TAF1: variants seen among roughly 807,000 people sequenced by gnomAD.
The protein encoded by TAF1 is transcription initiation factor TFIID subunit 1.
In TAF1, 2 loss-of-function variants were observed where a neutral mutation model predicts 138.5. The ratio of observed to expected loss-of-function variants is 0.01; its 90% CI spans 0.01 to 0.05. The LOEUF (loss-of-function observed/expected upper bound fraction) is 0.05, where lower values mean the gene tolerates loss of function less well. TAF1 is among the 10% of genes least tolerant of loss of function. TAF1 has a pLI of 1.00. For synonymous variants in TAF1, 437 were observed against 503.2 expected, an observed-to-expected ratio of 0.87 and a Z score of 1.76; for missense variants, 709 against 1,478.0, an observed-to-expected ratio of 0.48 and a Z score of 8.53.
intron 13 of TAF1, among the ~76,000 whole-genome samples, chrX:71,483,504 CT>C (rs1184298262): frequency 9.5e-6 from 1 of 105,697 alleles, no homozygotes; most frequent in African/African-American, 3.5e-5. Context: ...GGAGGATCCC[CT>C]GAGAGCAGGA....
At chrX:71,505,748 A>C (rs2039609106) in intron 13 of TAF1, among the ~76,000 whole-genome samples, 1 of 111,811 alleles carries the variant, frequency 8.9e-6, no homozygotes, top group Non-Finnish European at 1.9e-5. Flanking sequence ...TGGCTGGGCA[A>C]GGTGGCTCAT....
intron 13 of TAF1, among the ~76,000 whole-genome samples, chrX:71,511,742 G>T (rs2039734415): frequency 8.9e-6 from 1 of 111,900 alleles, no homozygotes; most frequent in Non-Finnish European, 1.9e-5. Context: ...TTGGCTGGGC[G>T]CAGTGGCTCA....
intron 13 of TAF1, among the ~76,000 whole-genome samples, chrX:71,474,755 G>T (rs1170346828): frequency 8.9e-6 from 1 of 111,830 alleles, no homozygotes; most frequent in African/African-American, 3.2e-5. Flanking sequence ...TGGAGTAGAG[G>T]CCATCCTACT....
chrX:71,458,403 G>A (rs2038399986), intron 35 of TAF1, 37 bp downstream of exon 35: 1 of 1,194,966 alleles, frequency 8.4e-7, no homozygotes, highest in African/African-American at 1.7e-5. Flanking sequence ...GATTGTTATT[G>A]TGCCTGCAAG....
chrX:71,501,574 G>A (rs1168514995), intron 13 of TAF1, among the ~76,000 whole-genome samples: 3 of 111,475 alleles, frequency 2.7e-5, no homozygotes, highest in Non-Finnish European at 5.7e-5. Context: ...TGAGAGTTCC[G>A]CTCATGGCTA....
intron 13 of TAF1, among the ~76,000 whole-genome samples, chrX:71,512,454 T>C (rs1050816180): frequency 8.9e-6 from 1 of 111,897 alleles, no homozygotes; most frequent in Non-Finnish European, 1.9e-5. Context: ...TGGGGGACAT[T>C]AACATCTAAG....
intron 28 of TAF1, chrX:71,420,495 G>A: frequency 8.3e-7 from 1 of 1,201,479 alleles, no homozygotes; most frequent in African/African-American, 1.7e-5. Flanking sequence ...ACGGGCATCG[G>A]CCTCCATCTT....
intron 34 of TAF1, 108 bp downstream of exon 34, chrX:71,454,965 C>A: frequency 2.6e-6 from 3 of 1,176,408 alleles, no homozygotes; most frequent in Non-Finnish European, 3.4e-6. Flanking sequence ...CTCTGTCCTT[C>A]CTCTTCATAT....
intron 15 of TAF1, 52 bp downstream of exon 15, chrX:71,387,513 T>C (rs1429615700): frequency 5.1e-6 from 6 of 1,186,008 alleles, no homozygotes; most frequent in Non-Finnish European, 6.8e-6. Flanking sequence ...AAAGGGTATG[T>C]TGGGGCCGGG....
At chrX:71,471,218 T>C (rs1283213982) in intron 13 of TAF1, among the ~76,000 whole-genome samples, 2 of 106,433 alleles carry the variant, frequency 1.9e-5, no homozygotes, top group East Asian at 5.9e-4. Context: ...CTCGGGAGGC[T>C]GAGGCAGGAG....
chrX:71,498,519 A>G (rs1170011543), intron 13 of TAF1, among the ~76,000 whole-genome samples: 1 of 111,695 alleles, frequency 9.0e-6, no homozygotes, highest in African/African-American at 3.3e-5. Context: ...ATGTCTAACA[A>G]TATCCTGTAA....
At chrX:71,389,935 A>C (rs28742601) in intron 18 of TAF1, among the ~76,000 whole-genome samples, 1 of 110,203 alleles carries the variant, frequency 9.1e-6, no homozygotes, top group Non-Finnish European at 1.9e-5. Context: ...CATGACCTCG[A>C]CTCACTGCAA....
chrX:71,495,919 T>C (rs1223581410), intron 13 of TAF1, among the ~76,000 whole-genome samples: 1 of 112,282 alleles, frequency 8.9e-6, no homozygotes, highest in Non-Finnish European at 1.9e-5. Context: ...ACTTTACTTT[T>C]GTTGAAAACC....
At position 71,372,982 on chromosome X, in the gene TAF1, T is replaced by C. The variant is rs113719877; in HGVS notation, c.353-2185T>C. 3.0e-3 allele frequency among the ~76,000 whole-genome samples: 326 copies of C among 109,685 alleles called. 1 individual carries two copies. Among genetic ancestry groups the C allele is most frequent in the Non-Finnish European group, 5.4e-3 (284 of 52,706 alleles). On this transcript the variant is annotated intron_variant, in intron 3 of 37. Transcript: ENST00000423759. ...CCCAGGTTTACGCCATTATCCGGCC[T>C]CAGTCTCCGGAGTAGCTGGGACTAC...
At chrX:71,369,145 C>T (rs1027672053) in intron 3 of TAF1, among the ~76,000 whole-genome samples, 17 of 110,679 alleles carry the variant, frequency 1.5e-4, no homozygotes, top group Admixed American at 2.9e-4. Flanking sequence ...CCACCACGCC[C>T]GGCCACATCT....
chrX:71,396,085 G>A (rs1323730107), intron 22 of TAF1, among the ~76,000 whole-genome samples: 3 of 107,715 alleles, frequency 2.8e-5, no homozygotes, highest in Non-Finnish European at 5.8e-5. Context: ...GGAAGCAGAG[G>A]TTGCAGTGAG....
chrX:71,460,937 T>C, intron 37 of TAF1, 134 bp downstream of exon 37: 1 of 927,594 alleles, frequency 1.1e-6, no homozygotes, highest in Non-Finnish European at 1.5e-6. Flanking sequence ...TGTGCTAGGC[T>C]CTGGGGATAC....
intron 13 of TAF1, among the ~76,000 whole-genome samples, chrX:71,495,705 G>T (rs1021810125): frequency 9.0e-6 from 1 of 111,364 alleles, no homozygotes; most frequent in Admixed American, 9.6e-5. Flanking sequence ...CTTTGAGAGT[G>T]TGTGGTAGTA....
intron 13 of TAF1, among the ~76,000 whole-genome samples, chrX:71,507,527 G>A (rs2039650323): frequency 9.0e-6 from 1 of 111,425 alleles, no homozygotes; most frequent in Admixed American, 9.6e-5. Flanking sequence ...ACCACGCTTG[G>A]CCACACCAAT....
Sources: allele counts gnomAD v4.1 joint callset (sites outside exome capture counted in the v4.1 genomes callset), GRCh38; gene constraint gnomAD v4.1.1; transcripts MANE v1.5; gene names NCBI Gene and HGNC (gene_info 2026-07-23, HGNC 2026-07-21).